Variants in QRICH2 observed in about 807,000 individuals in gnomAD.
The protein encoded by QRICH2 is glutamine rich 2.
In QRICH2, 119 loss-of-function variants were observed where a neutral mutation model predicts 168.3. The ratio of observed to expected loss-of-function variants is 0.71; its 90% CI spans 0.61 to 0.82. The LOEUF (loss-of-function observed/expected upper bound fraction) is 0.82, where lower values mean the gene tolerates loss of function less well. Among genes scored for constraint, QRICH2 ranks in the 40% least tolerant of loss-of-function variants. The pLI is 0.00. For missense variants in QRICH2, 2,241 were observed against 2,491.6 expected (o/e 0.90, Z 2.14); for synonymous variants, 894 against 951.2 (o/e 0.94, Z 1.11).
At position 76,293,670 on chromosome 17, in the gene QRICH2, G is replaced by C; in HGVS notation, c.1057C>G (p.Pro353Ala). ...RSREKLTSTQPRRNARPGPVQ... is the reference protein window; with the variant it reads ...RSREKLTSTQARRNARPGPVQ... ...GGACCAGGACGTGCATTTCTTCTTG[G>C]TTGTGTCGAGGTAAGCTTCTCTCTA... Residue 353 changes from proline to alanine, a missense_variant, in exon 4 of 19, where the codon CCA becomes GCA. Pro to Ala is a conservative substitution (Grantham distance 27, BLOSUM62 -1). Around this residue, in one of 3 missense-constraint regions of QRICH2, gnomAD observed 2,047 missense variants for 2,303.8 expected, o/e 0.89. Coordinates refer to ENST00000680821, the MANE Select transcript of QRICH2 (RefSeq NM_001388453.1). 2 of 1,614,192 alleles carry C rather than the reference G, an allele frequency of 1.2e-6. No homozygotes were observed. The highest frequency in any genetic ancestry group is 8.5e-7 in the Non-Finnish European group (1 of 1,180,038).
chr17:76,282,075 G>T lies in QRICH2; in HGVS notation c.4052C>A (p.Ser1351Tyr). Reference protein sequence around the residue: ...LRMIIESMLTSSSTLLSMSMA... With the variant: ...LRMIIESMLTYSSTLLSMSMA... Reference sequence around the variant, plus strand: ...GCTCATGGACAGGAGCGTGGAGGAGGAGGTCAGCATGCTCTCAATGATCAT... The same window carrying T: ...GCTCATGGACAGGAGCGTGGAGGAGTAGGTCAGCATGCTCTCAATGATCAT... The change falls in exon 8 of 19, where the codon TCC becomes TAC. Residue 1351 changes from serine to tyrosine, a missense_variant. This residue lies in a region of QRICH2 where 2,047 missense variants were observed against 2,303.8 expected (regional missense o/e 0.89). Coordinates refer to ENST00000680821, the MANE Select transcript of QRICH2 (RefSeq NM_001388453.1). 6.2e-7 allele frequency: 1 copy of T among 1,611,448 alleles called. No individual in the cohort carries two copies. Among genetic ancestry groups the T allele is most frequent in the Non-Finnish European group, 8.5e-7 (1 of 1,177,990 alleles).
chr17:76,304,668 T>C (rs2070961371), intron 2 of QRICH2, 143 bp from the exon 3 acceptor site: 2 of 733,736 alleles, frequency 2.7e-6, no homozygotes, highest in African/African-American at 1.7e-5. Flanking sequence ...AAGTGACCAG[T>C]GAAGGTTGGG....
rs2071022083 is a variant in QRICH2, at chr17:76,308,260, C to T, written c.-262G>A. 20 of 985,416 alleles carry T rather than the reference C, an allele frequency of 2.0e-5. No homozygotes were observed. The highest frequency in any genetic ancestry group is 2.2e-5 in the Non-Finnish European group (18 of 829,904). 61.0% of individuals were successfully genotyped at this position (985,416 alleles called of 1,614,324 possible). On this transcript the variant is annotated 5_prime_UTR_variant, in exon 1 of 19. Coordinates refer to ENST00000680821, the MANE Select transcript of QRICH2 (RefSeq NM_001388453.1). Reference sequence around the variant, plus strand: ...GCTGGAGCCCTGGACTCCCAGTCCCCGCGCCGGCGGACGTTTGAAACGTGG... The same window carrying T: ...GCTGGAGCCCTGGACTCCCAGTCCCTGCGCCGGCGGACGTTTGAAACGTGG...
Position 76,278,034 on chromosome 17 carries a change from C to T in QRICH2, c.5072G>A (p.Arg1691His), listed in dbSNP as rs765969544. 25 of 1,613,592 alleles carry T rather than the reference C, an allele frequency of 1.5e-5. No individual in the cohort carries two copies. Among genetic ancestry groups the T allele is most frequent in the South Asian group, 3.3e-5 (3 of 91,090 alleles). The change falls in exon 15 of 19, where the codon CGC (arginine) becomes CAC (histidine). Residue 1691 changes from arginine (R) to histidine (H), a missense_variant. Physicochemically the swap from Arg to His is conservative, Grantham distance 29. This residue lies in a region of QRICH2 where 2,047 missense variants were observed against 2,303.8 expected (regional missense o/e 0.89). Transcript: ENST00000680821. The stretch of plus-strand genomic sequence containing the variant: ...CAGGCACTGGGCGTGCAGCAGCTCG[C>T]GGATTATCTGGCTGCTGGCCTTGGT... ...GSTKASSQIIRELLHAQCLGS... is the reference protein window; with the variant it reads ...GSTKASSQIIHELLHAQCLGS...
In QRICH2 at chr17:76,291,852, G is replaced by A. The variant is rs770473019; in HGVS notation, c.2875C>T (p.Arg959Cys). 68 of 1,614,058 alleles carry A rather than the reference G, an allele frequency of 4.2e-5. No individual in the cohort carries two copies. The highest frequency in any genetic ancestry group is 3.7e-4 in the South Asian group (34 of 91,090). ...TCCATTCCTGGCTGCACCAGACCAC[G>A]TGGATATGTCCCAGATTGAGATAAA... The part of the protein sequence containing the change: ...HDLSQSGTYP[R>C]GLVQPGMDQY... Residue 959 changes from arginine to cysteine, a missense_variant, in exon 4 of 19, where the codon CGT becomes TGT. This residue lies in a region of QRICH2 where 2,047 missense variants were observed against 2,303.8 expected (regional missense o/e 0.89). Transcript: ENST00000680821.
rs1157065702 is a variant in QRICH2 at position 76,291,164 on chromosome 17, G to T, written c.3563C>A (p.Ser1188Tyr). Residue 1188 changes from serine (S) to tyrosine (Y), a missense_variant, in exon 4 of 19, where the codon TCT (serine) becomes TAT (tyrosine). By Grantham distance (144) the Ser-to-Tyr change is moderately radical (BLOSUM62 -2). Coordinates refer to ENST00000680821, the MANE Select transcript of QRICH2 (RefSeq NM_001388453.1). ...ERRNSLRRMS[S>Y]SFPTAVETFH... ...TGTCTCCACTGCCGTGGGGAAACTA[G>T]AACTCATTCTACGCAGTGAATTGCG... 1 of 1,614,168 alleles carries T rather than the reference G, an allele frequency of 6.2e-7. No individual in the cohort carries two copies. The highest frequency in any genetic ancestry group is 1.1e-5 in the South Asian group (1 of 91,082).
chr17:76,279,328 A>G (rs1293089264), intron 13 of QRICH2, 35 bp downstream of exon 13: 14 of 1,582,422 alleles, frequency 8.8e-6, no homozygotes, highest in South Asian at 2.2e-5. Flanking sequence ...CAGCCCTGCC[A>G]TGCGAGGCCA....
At position 76,308,127 on chromosome 17, in the gene QRICH2, C is replaced by A. The variant is rs1224086470; in HGVS notation, c.-129G>T. The A allele has an allele frequency of 3.4e-6, 4 of 1,186,414 alleles. No homozygotes were observed. The highest frequency in any genetic ancestry group is 4.1e-6 in the Non-Finnish European group (4 of 977,178). The allele number at this position is 1,186,414 out of a possible 1,614,324, so 73.5% of individuals were successfully genotyped here. ...GGGGCGCCCCTGCCCCGGGTCCGGC[C>A]GAGTCACTGGACAGAGCTCCTGCCT... On this transcript the variant is annotated 5_prime_UTR_variant, in exon 1 of 19. Coordinates refer to ENST00000680821, the MANE Select transcript of QRICH2 (RefSeq NM_001388453.1).
At chr17:76,301,872 TTGTGTGTGTGTGTGTGTG>T (rs139933188) in intron 3 of QRICH2, among the ~76,000 whole-genome samples, 19,178 of 136,140 alleles carry the variant, frequency 0.14, 1,420 homozygotes, top group South Asian at 0.21. Context: ...CTGGCTAATT[TTGTGTGTGTGTGTGTGTG>T]TGTGTGTGTG....
upstream of QRICH2, chr17:76,308,400 T>C: frequency 1.0e-6 from 1 of 985,428 alleles, no homozygotes; most frequent in East Asian, 1.1e-4. Flanking sequence ...GGCAACGGGC[T>C]GAGGAGGCCT....
rs576367137 is a variant in QRICH2 at position 76,284,033 on chromosome 17, C to T, written c.4012-1918G>A. On this transcript the variant is annotated intron_variant, in intron 7 of 18. Transcript: ENST00000680821. Reference sequence around the variant, plus strand: ...ATACAAAAAAATTACCCAGGCATGGCGGTGTGCACCTGTAGTCCCAGCTAC... The same window carrying T: ...ATACAAAAAAATTACCCAGGCATGGTGGTGTGCACCTGTAGTCCCAGCTAC... Among the ~76,000 whole-genome samples, 11 of 139,660 alleles carry T rather than the reference C, an allele frequency of 7.9e-5. 1 individual carries two copies. The South Asian group carries it at 8.6e-4, about 11-fold the overall frequency. 91.6% of individuals were successfully genotyped at this position (139,660 alleles called of 152,430 possible).
At chr17:76,286,037 TG>T (rs993732676) in intron 7 of QRICH2, among the ~76,000 whole-genome samples, 9 of 151,742 alleles carry the variant, frequency 5.9e-5, no homozygotes, top group African/African-American at 1.7e-4. Flanking sequence ...TAGCCGGGCG[TG>T]GTGGCAGGTG....
In QRICH2 at chr17:76,287,171, TAAAGAGTGGGG is replaced by T. The variant is rs2070904004; in HGVS notation, c.4011+10_4011+20del. On this transcript the variant is annotated intron_variant, in intron 7 of 18. Coordinates refer to ENST00000680821, the MANE Select transcript of QRICH2 (RefSeq NM_001388453.1). The stretch of plus-strand genomic sequence containing the variant: ...GAGAAGGGCCCTTGGTCCCTGGAGC[TAAAGAGTGGGG>T]AATCCTCACCTGGTCCTGCAGGTAA... 6.4e-7 allele frequency: 1 copy of T among 1,569,194 alleles called. No homozygotes were observed. Among genetic ancestry groups the T allele is most frequent in the African/African-American group, 1.4e-5 (1 of 73,874 alleles).
chr17:76,280,749 G>C lies in QRICH2; in HGVS notation c.4387-21C>G. The stretch of plus-strand genomic sequence containing the variant: ...AGCATCTGGGGAGGCCAAGTGAACA[G>C]AGAAAAAAAGAGCCAGCAGCTGCGG... On this transcript the variant is annotated intron_variant, in intron 9 of 18. Coordinates refer to ENST00000680821, the MANE Select transcript of QRICH2 (RefSeq NM_001388453.1). This position sits in a 1 kb window ranked among gnomAD's most constrained non-coding sequence, Gnocchi z 7.4. 6.2e-7 allele frequency: 1 copy of C among 1,614,086 alleles called. No homozygotes were observed. The highest frequency in any genetic ancestry group is 8.5e-7 in the Non-Finnish European group (1 of 1,179,996).
In QRICH2 at chr17:76,281,774, C is replaced by T; in HGVS notation, c.4263+90G>A. ...AGAGCTGACCTTGAGGCCCAAACAC[C>T]CGCCCCACTTCTGTGGGTCTGCAGC... On this transcript the variant is annotated intron_variant, in intron 8 of 18. Coordinates refer to ENST00000680821, the MANE Select transcript of QRICH2 (RefSeq NM_001388453.1). This position sits in a 1 kb window ranked among gnomAD's most constrained non-coding sequence, Gnocchi z 4.4. The T allele has an allele frequency of 1.3e-6, 2 of 1,526,340 alleles. No individual in the cohort carries two copies. Among genetic ancestry groups the T allele is most frequent in the Non-Finnish European group, 1.8e-6 (2 of 1,120,166 alleles). The allele number at this position is 1,526,340 out of a possible 1,614,324, so 94.5% of individuals were successfully genotyped here. A position where few individuals can be genotyped will look rare whatever the true frequency, so the allele number is the denominator to read the frequency against.
intron 7 of QRICH2, 102 bp downstream of exon 7, chr17:76,287,089 TG>T: frequency 2.0e-5 from 4 of 204,900 alleles, no homozygotes; most frequent in South Asian, 3.8e-5. Flanking sequence ...CACACACACA[TG>T]ATGGGAGGGA....
Position 76,304,489 on chromosome 17 carries a change from C to T in QRICH2, c.631G>A (p.Ala211Thr), listed in dbSNP as rs1470635848. ...CAGGTGACCATGGTGACTTCTTCTG[C>T]ACCAGGAACCAAACTCAGCTTCCGG... The part of the protein sequence containing the change: ...VSRKLSLVPG[A>T]EEVTMVTWEE... Residue 211 changes from alanine (A) to threonine (T), a missense_variant, in exon 3 of 19, where the codon GCA becomes ACA. This residue lies in a region of QRICH2 where 2,047 missense variants were observed against 2,303.8 expected (regional missense o/e 0.89). Coordinates refer to ENST00000680821, the MANE Select transcript of QRICH2 (RefSeq NM_001388453.1). 1 of 1,613,730 alleles carries T rather than the reference C, an allele frequency of 6.2e-7. No individual in the cohort carries two copies. Among genetic ancestry groups the T allele is most frequent in the Non-Finnish European group, 8.5e-7 (1 of 1,179,990 alleles).
intron 3 of QRICH2, chr17:76,301,468 T>C: frequency 4.2e-6 from 1 of 237,108 alleles, no homozygotes; most frequent in South Asian, 3.7e-5. Context: ...CCGGGGAGGC[T>C]GAGGCAGGAG....
At position 76,292,043 on chromosome 17, in the gene QRICH2, C is replaced by T. The variant is rs768293489; in HGVS notation, c.2684G>A (p.Gly895Asp). 1.2e-6 allele frequency: 2 copies of T among 1,614,204 alleles called. No homozygotes were observed. Among genetic ancestry groups the T allele is most frequent in the Admixed American group, 3.3e-5 (2 of 60,018 alleles). Residue 895 changes from glycine to aspartate, a missense_variant, in exon 4 of 19, where the codon GGT becomes GAT. Transcript: ENST00000680821. ...CTGGACCAAACCAGGCTGATCTGCA[C>T]CAGGTTGGATCAAACCACGCTGGTC... The part of the protein sequence containing the change: ...GMDQRGLIQP[G>D]ADQPGLVQPG...
Sources: allele counts gnomAD v4.1 joint callset (sites outside exome capture counted in the v4.1 genomes callset), GRCh38; gene constraint gnomAD v4.1.1; regional missense constraint gnomAD v4.1.1; non-coding constraint Gnocchi (gnomAD v3.1); transcripts MANE v1.5; gene names NCBI Gene and HGNC (gene_info 2026-07-23, HGNC 2026-07-21).